The following PTPRQ variants were observed in gnomAD, a reference collection of about 807,000 sequenced individuals.
PTPRQ encodes the protein phosphatidylinositol phosphatase PTPRQ.
In PTPRQ, 199 loss-of-function variants were observed where a neutral mutation model predicts 246.0. That is an observed-to-expected ratio of 0.81 (90% CI 0.72 to 0.91). The LOEUF is 0.91. PTPRQ is among the 40% of genes least tolerant of loss of function. The probability of loss-of-function intolerance (pLI) is 0.00; values close to 1 mark genes in which losing one functional copy is unlikely to be tolerated. For missense variants in PTPRQ, 2,624 were observed against 2,528.4 expected, an observed-to-expected ratio of 1.04 and a Z score of -0.81; for synonymous variants, 869 against 853.2, an observed-to-expected ratio of 1.02 and a Z score of -0.32.
At chr12:80,659,988 C>A (rs145829850) in intron 39 of PTPRQ, among the ~76,000 whole-genome samples, 321 of 152,158 alleles carry the variant, frequency 2.1e-3, no homozygotes, top group African/African-American at 7.1e-3. Flanking sequence ...GTGGCCCTCA[C>A]TTTCCACCTA....
intron 25 of PTPRQ, among the ~76,000 whole-genome samples, chr12:80,584,412 T>A (rs956563413): frequency 3.3e-5 from 5 of 152,184 alleles, no homozygotes; most frequent in Non-Finnish European, 5.9e-5. Flanking sequence ...CCTAATTTCG[T>A]CTTTCCTGGA....
At position 80,634,929 on chromosome 12, in the gene PTPRQ, A is replaced by G; in HGVS notation, c.5787-16A>G. ...GTGTGAAACTCCCTTCTTGGACTTT[A>G]CTCCGCTTGTTTTAGAATTCGACAG... On this transcript the variant is annotated splice_polypyrimidine_tract_variant and intron_variant, in intron 34 of 44. Transcript: ENST00000644991. 5 of 1,548,676 alleles carry G rather than the reference A, an allele frequency of 3.2e-6. No individual in the cohort carries two copies. The highest frequency in any genetic ancestry group is 4.4e-6 in the Non-Finnish European group (5 of 1,145,594).
At chr12:80,588,876 C>T (rs1897704078) in intron 26 of PTPRQ, among the ~76,000 whole-genome samples, 1 of 152,166 alleles carries the variant, frequency 6.6e-6, no homozygotes, top group Admixed American at 6.5e-5. Context: ...ACACGTGTGA[C>T]CACAATAACC....
chr12:80,676,235 T>C (rs995895325), intron 43 of PTPRQ, among the ~76,000 whole-genome samples: 3 of 152,228 alleles, frequency 2.0e-5, no homozygotes, highest in African/African-American at 2.4e-5. Context: ...ATGAGGAATA[T>C]TCCTGTCTTA....
chr12:80,492,832 G>A lies in PTPRQ; in HGVS notation c.1360-443G>A, dbSNP rs183974016. Among the ~76,000 whole-genome samples, 101 of 152,038 alleles carry A rather than the reference G, an allele frequency of 6.6e-4. 1 individual carries two copies. The highest frequency in any genetic ancestry group is 1.2e-3 in the Admixed American group (19 of 15,234). ...AACTATTATCATTAATGTATATCAAGCAGGCATATAGACCTCTCATGTATG... is the reference window on the plus strand; with the variant it reads ...AACTATTATCATTAATGTATATCAAACAGGCATATAGACCTCTCATGTATG... On this transcript the variant is annotated intron_variant, in intron 9 of 44. Coordinates refer to ENST00000644991, the MANE Select transcript of PTPRQ (RefSeq NM_001145026.2).
intron 8 of PTPRQ, among the ~76,000 whole-genome samples, chr12:80,477,376 T>C (rs1054412386): frequency 3.3e-5 from 5 of 152,212 alleles, no homozygotes; most frequent in African/African-American, 9.6e-5. Flanking sequence ...AGATTTCAAC[T>C]GGCATTAATT....
At chr12:80,490,406 G>C (rs1894408611) in intron 9 of PTPRQ, among the ~76,000 whole-genome samples, 1 of 151,936 alleles carries the variant, frequency 6.6e-6, no homozygotes, top group African/African-American at 2.4e-5. Flanking sequence ...GTAAAATCAA[G>C]TTGGTTTATT....
chr12:80,596,435 C>G (rs532423665), intron 26 of PTPRQ, among the ~76,000 whole-genome samples: 6 of 151,244 alleles, frequency 4.0e-5, no homozygotes, highest in African/African-American at 1.5e-4. Flanking sequence ...TTTTTTAAAT[C>G]ATCAATATTT....
chr12:80,566,687 A>C (rs1449155659), intron 25 of PTPRQ, among the ~76,000 whole-genome samples: 1 of 151,748 alleles, frequency 6.6e-6, no homozygotes, highest in Non-Finnish European at 1.5e-5. Context: ...CTACAGGCAC[A>C]TGCCACCACA....
intron 26 of PTPRQ, among the ~76,000 whole-genome samples, chr12:80,591,492 G>A (rs1897801223): frequency 6.6e-6 from 1 of 152,114 alleles, no homozygotes; most frequent in Non-Finnish European, 1.5e-5. Flanking sequence ...TTCCCTGAAT[G>A]AGAGAAATTT....
intron 23 of PTPRQ, 113 bp from the exon 24 acceptor site, chr12:80,546,443 A>T (rs1311536748): frequency 2.0e-6 from 2 of 1,009,104 alleles, no homozygotes; most frequent in African/African-American, 3.3e-5. Flanking sequence ...TAAAATATCC[A>T]TGCTTATTAA....
At chr12:80,571,129 G>A (rs1000759974) in intron 25 of PTPRQ, among the ~76,000 whole-genome samples, 2 of 152,084 alleles carry the variant, frequency 1.3e-5, no homozygotes, top group African/African-American at 4.8e-5. Context: ...GAAAGTCAAT[G>A]GTAGCTTCAA....
Position 80,541,558 on chromosome 12 carries a change from C to T in PTPRQ, c.3158C>T (p.Pro1053Leu). 6.6e-7 allele frequency: 1 copy of T among 1,513,010 alleles called. No individual in the cohort carries two copies. Among genetic ancestry groups the T allele is most frequent in the East Asian group, 2.5e-5 (1 of 40,552 alleles). 93.7% of individuals were successfully genotyped at this position (1,513,010 alleles called of 1,614,324 possible). A position where few individuals can be genotyped will look rare whatever the true frequency, so the allele number is the denominator to read the frequency against. Reference protein sequence around the residue: ...IIEVYTDQDIPEGFVGNLTYE... With the variant: ...IIEVYTDQDILEGFVGNLTYE... ...TTTTGCCCATTACCTATCATAGTAC[C>T]TGAAGGGTTTGTTGGAAACCTGACT... Residue 1053 changes from proline to leucine, a missense_variant, in exon 21 of 45, where the codon CCT (proline) becomes CTT (leucine). Coordinates refer to ENST00000644991, the MANE Select transcript of PTPRQ (RefSeq NM_001145026.2).
intron 9 of PTPRQ, 59 bp from the exon 10 acceptor site, chr12:80,493,216 G>T: frequency 7.4e-7 from 1 of 1,358,076 alleles, no homozygotes; most frequent in South Asian, 2.1e-5. Context: ...ACTAATACTT[G>T]ATTTAAGTCA....
At chr12:80,556,069 C>T (rs1023222945) in intron 25 of PTPRQ, among the ~76,000 whole-genome samples, 1 of 151,910 alleles carries the variant, frequency 6.6e-6, no homozygotes, top group Non-Finnish European at 1.5e-5. Flanking sequence ...GCTCTGTTGT[C>T]CAGGTTGGAG....
intron 33 of PTPRQ, among the ~76,000 whole-genome samples, chr12:80,629,553 G>C (rs538829418): frequency 6.6e-6 from 1 of 152,044 alleles, no homozygotes; most frequent in Non-Finnish European, 1.5e-5. Context: ...CCCTAGGAGT[G>C]AGCAAGCAAG....
chr12:80,468,559 C>G (rs1893517288), intron 6 of PTPRQ, 151 bp from the exon 7 acceptor site: 2 of 716,476 alleles, frequency 2.8e-6, no homozygotes, highest in East Asian at 3.2e-5. Context: ...CAATTATATT[C>G]CATTTATTCT....
chr12:80,534,723 G>A (rs1038692954), intron 18 of PTPRQ, among the ~76,000 whole-genome samples, 169 bp from the exon 19 acceptor site: 1 of 151,766 alleles, frequency 6.6e-6, no homozygotes, highest in African/African-American at 2.4e-5. Flanking sequence ...AGTATTAGAG[G>A]GGTGACCCAA....
chr12:80,671,783 T>C (rs939806738), intron 42 of PTPRQ, among the ~76,000 whole-genome samples: 1 of 152,050 alleles, frequency 6.6e-6, no homozygotes, highest in African/African-American at 2.4e-5. Flanking sequence ...AAAGCAAGTT[T>C]TTCTGTTTGA....
Sources: allele counts gnomAD v4.1 joint callset (sites outside exome capture counted in the v4.1 genomes callset), GRCh38; gene constraint gnomAD v4.1.1; transcripts MANE v1.5; gene names NCBI Gene and HGNC (gene_info 2026-07-23, HGNC 2026-07-21).